The following XIRP2 variants were observed in gnomAD, a reference collection of about 807,000 sequenced individuals.
The protein encoded by XIRP2 is xin actin-binding repeat-containing protein 2.
XIRP2 carries 236 observed loss-of-function variants against 277.0 expected under a neutral mutation model. That is an observed-to-expected ratio of 0.85 (90% CI 0.77 to 0.95). The LOEUF (loss-of-function observed/expected upper bound fraction) is 0.95. XIRP2 is among the 40% of genes least tolerant of loss of function. The pLI, the probability that XIRP2 is intolerant of heterozygous loss-of-function variation, is 0.00. For missense variants in XIRP2, 4,640 were observed against 4,157.5 expected (o/e 1.12, Z -3.19); for synonymous variants, 1,490 against 1,416.5 (o/e 1.05, Z -1.17).
intron 4 of XIRP2, among the ~76,000 whole-genome samples, chr2:167,211,772 G>C (rs552198792): frequency 6.6e-6 from 1 of 152,286 alleles, no homozygotes; most frequent in Admixed American, 6.5e-5. Flanking sequence ...TAGACACTCT[G>C]CTAAACCAAT....
chr2:167,022,010 A>C (rs1171247771), intron 2 of XIRP2, among the ~76,000 whole-genome samples: 1 of 152,122 alleles, frequency 6.6e-6, no homozygotes, highest in Non-Finnish European at 1.5e-5. Flanking sequence ...TTAAACTATG[A>C]GGTAAACATA....
intron 2 of XIRP2, among the ~76,000 whole-genome samples, chr2:167,030,876 G>T (rs1188767270): frequency 6.6e-6 from 1 of 152,088 alleles, no homozygotes; most frequent in East Asian, 1.9e-4. Context: ...GGGTGTTCCT[G>T]TATTGGGTGC....
rs556201013 is a variant in XIRP2, at chr2:167,020,712, T to G, written c.409-115197T>G. ...GATGGTTAATTTGCTGGCTGATGAT[T>G]TATTATATCTCTTTCTAAATGTCTT... On this transcript the variant is annotated intron_variant, in intron 2 of 10. Coordinates refer to ENST00000409195, the MANE Select transcript of XIRP2 (RefSeq NM_152381.6). 5.3e-5 allele frequency among the ~76,000 whole-genome samples: 8 copies of G among 152,106 alleles called. No individual in the cohort carries two copies. The East Asian group carries it at 1.6e-3, about 30-fold the overall frequency.
intron 2 of XIRP2, among the ~76,000 whole-genome samples, chr2:167,047,429 A>T (rs1333484001): frequency 6.6e-6 from 1 of 151,780 alleles, no homozygotes; most frequent in African/African-American, 2.4e-5. Flanking sequence ...AAAGGATGAA[A>T]AGATAATCTG....
At chr2:167,165,538 C>T (rs112803377) in intron 3 of XIRP2, among the ~76,000 whole-genome samples, 1 of 152,296 alleles carries the variant, frequency 6.6e-6, no homozygotes, top group East Asian at 1.9e-4. Context: ...GTGGACGATT[C>T]TACTGGGTGT....
At chr2:167,076,997 A>T (rs1689589950) in intron 2 of XIRP2, among the ~76,000 whole-genome samples, 1 of 151,422 alleles carries the variant, frequency 6.6e-6, no homozygotes, top group African/African-American at 2.4e-5. Context: ...TACTTGGCTC[A>T]TTTTTGTGTG....
chr2:167,078,863 A>G (rs1689653971), intron 2 of XIRP2, among the ~76,000 whole-genome samples: 1 of 151,454 alleles, frequency 6.6e-6, no homozygotes. Flanking sequence ...AAGGAATGGC[A>G]AAAATCACAA....
chr2:167,060,342 C>T (rs191126152), intron 2 of XIRP2, among the ~76,000 whole-genome samples: 1 of 152,152 alleles, frequency 6.6e-6, no homozygotes, highest in Admixed American at 6.5e-5. Flanking sequence ...CTTAGGATGG[C>T]TATTTGGTGG....
At chr2:167,097,043 T>C (rs1392009207) in intron 2 of XIRP2, among the ~76,000 whole-genome samples, 3 of 152,188 alleles carry the variant, frequency 2.0e-5, no homozygotes, top group African/African-American at 7.2e-5. Flanking sequence ...TGGAGAGTTC[T>C]GTATATGTCA....
intron 2 of XIRP2, among the ~76,000 whole-genome samples, chr2:167,029,460 A>G (rs1306389834): frequency 6.6e-6 from 1 of 152,070 alleles, no homozygotes; most frequent in Non-Finnish European, 1.5e-5. Flanking sequence ...CTATTGAGAT[A>G]GAGCATGTGG....
In XIRP2 at chr2:167,251,722, G is replaced by A. The variant is rs764354401; in HGVS notation, c.10330G>A (p.Ala3444Thr). The stretch of plus-strand genomic sequence containing the variant: ...AACCTCTTCATCACATAGCTCAGAA[G>A]CTGGCAAATCTGGCTGTGACTTCAA... ...MKTSSSHSSE[A>T]GKSGCDFKHA... The change falls in exon 9 of 11, where the codon GCT becomes ACT. Residue 3444 changes from alanine to threonine, a missense_variant. By Grantham distance (58) the Ala-to-Thr change is moderately conservative. Coordinates refer to ENST00000409195, the MANE Select transcript of XIRP2 (RefSeq NM_152381.6). The A allele has an allele frequency of 2.5e-6, 4 of 1,613,388 alleles. No individual in the cohort carries two copies. The South Asian group carries it at 4.4e-5, about 18-fold the overall frequency.
intron 2 of XIRP2, among the ~76,000 whole-genome samples, chr2:167,064,071 TAA>T (rs1689239475): frequency 6.6e-6 from 1 of 151,796 alleles, no homozygotes; most frequent in African/African-American, 2.4e-5. Context: ...ACTAGTTTTA[TAA>T]AGTCTGTTGT....
intron 2 of XIRP2, among the ~76,000 whole-genome samples, chr2:166,925,589 G>A (rs1159432387): frequency 3.8e-5 from 4 of 105,972 alleles, no homozygotes; most frequent in Non-Finnish European, 5.4e-5. Flanking sequence ...GTGTGTATGT[G>A]TATATACATA....
At chr2:167,009,218 C>T in intron 2 of XIRP2, among the ~76,000 whole-genome samples, 1 of 111,522 alleles carries the variant, frequency 9.0e-6, no homozygotes, top group Admixed American at 1.1e-4. Context: ...CCCCCCTCCC[C>T]CCACCCCACA....
At chr2:167,242,336 C>G (rs190683252) in intron 8 of XIRP2, among the ~76,000 whole-genome samples, 57 of 152,176 alleles carry the variant, frequency 3.7e-4, no homozygotes, top group Admixed American at 8.5e-4. Flanking sequence ...AATATTGAGT[C>G]CTTGTTGCAT....
At chr2:166,926,732 A>G (rs1350401692) in intron 2 of XIRP2, among the ~76,000 whole-genome samples, 1 of 152,132 alleles carries the variant, frequency 6.6e-6, no homozygotes, top group East Asian at 1.9e-4. Context: ...AAGAAATACA[A>G]TTTCATTGTT....
intron 2 of XIRP2, among the ~76,000 whole-genome samples, chr2:167,076,656 T>G (rs1005654890): frequency 6.6e-6 from 1 of 152,212 alleles, no homozygotes; most frequent in Non-Finnish European, 1.5e-5. Context: ...TCAGACTGAC[T>G]GGTCTATGTG....
At chr2:166,913,315 C>CG (rs1430611156) in intron 2 of XIRP2, among the ~76,000 whole-genome samples, 1 of 130,434 alleles carries the variant, frequency 7.7e-6, no homozygotes, top group Non-Finnish European at 1.7e-5. Flanking sequence ...TGGGCACCCC[C>CG]CCCCCCCAGC....
chr2:167,078,458 T>C (rs910548252), intron 2 of XIRP2, among the ~76,000 whole-genome samples: 1 of 152,222 alleles, frequency 6.6e-6, no homozygotes, highest in African/African-American at 2.4e-5. Flanking sequence ...GTATGCCTTT[T>C]ATTTCTTTCT....
Sources: gnomAD v4.1 joint callset for allele counts (sites outside exome capture counted in the v4.1 genomes callset) on GRCh38, gnomAD v4.1.1 for gene constraint, MANE v1.5 for transcripts, NCBI Gene and HGNC (gene_info 2026-07-23, HGNC 2026-07-21) for gene names.